AFF3: variants seen among roughly 807,000 people sequenced by gnomAD.
AFF3 encodes AF4/FMR2 family member 3.
AFF3 carries 32 observed loss-of-function variants against 129.7 expected under a neutral mutation model. The observed-to-expected ratio is 0.25, with a 90% CI of 0.19 to 0.33. AFF3 has a LOEUF of 0.33. AFF3 is among the 10% of genes least tolerant of loss of function. AFF3 has a pLI of 1.00. For synonymous variants in AFF3, 644 were observed against 635.4 expected (o/e 1.01, Z -0.20); for missense variants, 1,373 against 1,592.0 (o/e 0.86, Z 2.34).
At chr2:100,104,744 G>A in intron 3 of AFF3, 2 of 658,158 alleles carry the variant, frequency 3.0e-6, no homozygotes, top group Non-Finnish European at 3.5e-6. Flanking sequence ...CCCCGCCCCC[G>A]GCCCTGCGCC....
At chr2:100,083,946 C>T (rs571588448) in intron 4 of AFF3, among the ~76,000 whole-genome samples, 7 of 152,140 alleles carry the variant, frequency 4.6e-5, no homozygotes, top group African/African-American at 1.4e-4. Flanking sequence ...GGCTCAGGCT[C>T]GAGATTCCCA....
chr2:99,553,121 G>A (rs1462429017), intron 24 of AFF3, among the ~76,000 whole-genome samples: 3 of 152,172 alleles, frequency 2.0e-5, no homozygotes, highest in Non-Finnish European at 2.9e-5. Context: ...ATTTTCAGTA[G>A]AGACGGGGTT....
chr2:100,000,040 G>C (rs1437230320), intron 7 of AFF3, among the ~76,000 whole-genome samples: 1 of 152,106 alleles, frequency 6.6e-6, no homozygotes, highest in Non-Finnish European at 1.5e-5. Flanking sequence ...ACAGCACCAG[G>C]GAGACTCCAT....
intron 8 of AFF3, among the ~76,000 whole-genome samples, chr2:99,780,090 G>A (rs1684272148): frequency 6.6e-6 from 1 of 152,196 alleles, no homozygotes; most frequent in Admixed American, 6.5e-5. Flanking sequence ...TCTGATCACT[G>A]TAGGAGGAGC....
chr2:99,749,254 T>C (rs915527015), intron 9 of AFF3, among the ~76,000 whole-genome samples: 3 of 152,248 alleles, frequency 2.0e-5, no homozygotes, highest in Non-Finnish European at 4.4e-5. Flanking sequence ...TCAAGTTGTT[T>C]ACCTTAAATA....
At chr2:99,771,279 G>T (rs572582582) in intron 8 of AFF3, among the ~76,000 whole-genome samples, 1 of 152,246 alleles carries the variant, frequency 6.6e-6, no homozygotes, top group South Asian at 2.1e-4. Context: ...TCATCAGGAA[G>T]AACAGCTAAT....
chr2:99,584,646 A>G (rs1433495090), intron 16 of AFF3, among the ~76,000 whole-genome samples: 1 of 152,190 alleles, frequency 6.6e-6, no homozygotes, highest in Non-Finnish European at 1.5e-5. Flanking sequence ...TGCAATGTAT[A>G]TTATATTGTT....
chr2:100,031,090 C>G (rs7605430), intron 4 of AFF3, among the ~76,000 whole-genome samples: 80,726 of 151,926 alleles, frequency 0.53, 22,010 homozygotes, highest in African/African-American at 0.64. Context: ...GAAATAAAAT[C>G]CTGACCCAAA....
At chr2:100,132,983 G>T (rs1692485130) in intron 1 of AFF3, among the ~76,000 whole-genome samples, 1 of 151,292 alleles carries the variant, frequency 6.6e-6, no homozygotes, top group African/African-American at 2.4e-5. Flanking sequence ...AGGCTGGAGT[G>T]CAGAGGTGTG....
At chr2:99,691,472 C>T (rs1675649399) in intron 11 of AFF3, among the ~76,000 whole-genome samples, 1 of 152,122 alleles carries the variant, frequency 6.6e-6, no homozygotes, top group Admixed American at 6.6e-5. Flanking sequence ...CTTAGAGCTG[C>T]CTTCACTTGA....
At chr2:99,971,590 A>C (rs1376089221) in intron 7 of AFF3, among the ~76,000 whole-genome samples, 1 of 152,172 alleles carries the variant, frequency 6.6e-6, no homozygotes, top group African/African-American at 2.4e-5. Flanking sequence ...TACGTTTTAA[A>C]TTTATTTTGC....
At chr2:99,630,900 C>T (rs935719200) in intron 13 of AFF3, 62 of 333,926 alleles carry the variant, frequency 1.9e-4, no homozygotes, top group African/African-American at 1.1e-3. Context: ...TATCACCAGG[C>T]GTGTTCTGGG....
intron 11 of AFF3, among the ~76,000 whole-genome samples, chr2:99,696,857 C>A (rs760918937): frequency 6.6e-6 from 1 of 152,136 alleles, no homozygotes; most frequent in Non-Finnish European, 1.5e-5. Context: ...TGTTGCCCAG[C>A]TTGGTCACCA....
At chr2:100,127,120 A>G (rs556625232) in intron 2 of AFF3, among the ~76,000 whole-genome samples, 21 of 152,192 alleles carry the variant, frequency 1.4e-4, no homozygotes, top group Non-Finnish European at 2.2e-4. Flanking sequence ...CATCATCTCT[A>G]GGAGGTAACT....
chr2:99,612,133 T>C (rs780817263), intron 13 of AFF3, among the ~76,000 whole-genome samples: 2 of 152,200 alleles, frequency 1.3e-5, no homozygotes, highest in Admixed American at 6.5e-5. Flanking sequence ...TTGTTTTATA[T>C]GTAACATCCA....
At chr2:99,864,429 CTCTTGTGTTCAA>C (rs1691227452) in intron 7 of AFF3, among the ~76,000 whole-genome samples, 1 of 152,218 alleles carries the variant, frequency 6.6e-6, no homozygotes, top group Non-Finnish European at 1.5e-5. Flanking sequence ...CAGGGTGGCT[CTCTTGTGTTCAA>C]TCTATTTTAT....
At chr2:99,631,778 C>T (rs77363513) in intron 13 of AFF3, among the ~76,000 whole-genome samples, 2,676 of 152,286 alleles carry the variant, frequency 0.018, 44 homozygotes, top group South Asian at 0.029. Context: ...ATTGCTTCTA[C>T]CTTTTGGCTA....
At chr2:100,070,866 C>T (rs928594811) in intron 4 of AFF3, among the ~76,000 whole-genome samples, 2 of 105,472 alleles carry the variant, frequency 1.9e-5, no homozygotes, top group South Asian at 2.8e-4. Flanking sequence ...ATTTTTTTCA[C>T]GAAAGCCTTT....
chr2:99,940,931 C>T (rs1447477806), intron 7 of AFF3, among the ~76,000 whole-genome samples: 16 of 152,096 alleles, frequency 1.1e-4, no homozygotes, highest in Non-Finnish European at 2.9e-5. Context: ...TTTGTCATAC[C>T]CCCACCTGTC....
Sources: allele counts gnomAD v4.1 joint callset (sites outside exome capture counted in the v4.1 genomes callset), GRCh38; gene constraint gnomAD v4.1.1; transcripts MANE v1.5; gene names NCBI Gene and HGNC (gene_info 2026-07-23, HGNC 2026-07-21).